The following NPAT variants were observed in gnomAD, a reference collection of about 807,000 sequenced individuals.
The protein encoded by NPAT is protein NPAT.
In NPAT, 52 loss-of-function variants were observed where a neutral mutation model predicts 130.7. The observed-to-expected ratio is 0.40, with a 90% CI of 0.32 to 0.50. The LOEUF (loss-of-function observed/expected upper bound fraction) is 0.50, where lower values mean the gene tolerates loss of function less well. NPAT is among the 20% of genes least tolerant of loss of function. The probability of loss-of-function intolerance (pLI) is 0.68; values close to 1 mark genes in which losing one functional copy is unlikely to be tolerated. For missense variants in NPAT, 1,687 were observed against 1,662.6 expected, an observed-to-expected ratio of 1.01 and a Z score of -0.26; for synonymous variants, 580 against 584.8, an observed-to-expected ratio of 0.99 and a Z score of 0.12.
intron 13 of NPAT, among the ~76,000 whole-genome samples, chr11:108,170,707 T>C (rs1055797397): frequency 2.0e-5 from 3 of 152,216 alleles, no homozygotes; most frequent in African/African-American, 7.2e-5. Context: ...CTACGGTCTC[T>C]CTGTCTATGC....
At chr11:108,209,429 T>C (rs563775787) in intron 1 of NPAT, among the ~76,000 whole-genome samples, 1 of 152,082 alleles carries the variant, frequency 6.6e-6, no homozygotes, top group East Asian at 1.9e-4. Flanking sequence ...AAAACATCTC[T>C]TTAAATTAGG....
At position 108,157,606 on chromosome 11, in the gene NPAT, A is replaced by AT. The variant is rs1565303036; in HGVS notation, c.*1335dup. ...TGTTGTGTTAAAGTTGGATGGATTTATTTTTTTAAAGGCCCAGTACAAAAA... is the reference window on the plus strand; with the variant it reads ...TGTTGTGTTAAAGTTGGATGGATTTATTTTTTTTAAAGGCCCAGTACAAAAA... On this transcript the variant is annotated 3_prime_UTR_variant, in exon 18 of 18. Transcript: ENST00000278612. 6.6e-6 allele frequency: 1 copy of AT among 152,016 alleles called. No individual in the cohort carries two copies. The highest frequency in any genetic ancestry group is 2.1e-4 in the South Asian group (1 of 4,832). The allele number at this position is 152,016 out of a possible 1,614,324, so 9.4% of individuals were successfully genotyped here.
chr11:108,172,043 T>A, intron 13 of NPAT, 156 bp downstream of exon 13: 1 of 666,728 alleles, frequency 1.5e-6, no homozygotes, highest in Non-Finnish European at 2.6e-6. Flanking sequence ...AAGGTTTGAA[T>A]TAGCTAGCAT....
At chr11:108,195,155 C>G (rs979005472) in intron 2 of NPAT, among the ~76,000 whole-genome samples, 1 of 152,100 alleles carries the variant, frequency 6.6e-6, no homozygotes, top group Non-Finnish European at 1.5e-5. Context: ...AAGCAAACAC[C>G]AGTGTCTAGG....
intron 7 of NPAT, among the ~76,000 whole-genome samples, chr11:108,187,874 A>G (rs1303421847): frequency 2.0e-5 from 3 of 152,194 alleles, no homozygotes; most frequent in Non-Finnish European, 4.4e-5. Flanking sequence ...TACAGAATAA[A>G]CATATTTCCC....
At chr11:108,201,068 G>A (rs759010820) in intron 1 of NPAT, among the ~76,000 whole-genome samples, 7 of 152,050 alleles carry the variant, frequency 4.6e-5, no homozygotes, top group Middle Eastern at 3.2e-3. Context: ...TCTCCTTTGC[G>A]TTCCAATTGA....
intron 10 of NPAT, among the ~76,000 whole-genome samples, chr11:108,181,404 G>A (rs1300742626): frequency 6.6e-6 from 1 of 152,116 alleles, no homozygotes; most frequent in African/African-American, 2.4e-5. Flanking sequence ...GGCAGAGATT[G>A]CAGCAAGCTG....
chr11:108,189,052 C>T, intron 6 of NPAT, 54 bp downstream of exon 6: 1 of 1,363,044 alleles, frequency 7.3e-7, no homozygotes, highest in Non-Finnish European at 1.0e-6. Flanking sequence ...TATATTATCT[C>T]ATTCATACAA....
rs998140325 is a variant in NPAT at position 108,172,531 on chromosome 11, T to C, written c.2453A>G (p.Lys818Arg). 9.9e-6 allele frequency: 16 copies of C among 1,614,080 alleles called. No individual in the cohort carries two copies. The highest frequency in any genetic ancestry group is 4.5e-5 in the East Asian group (2 of 44,898). ...ASMEQSLLTF[K>R]SEDSAVNNTQ... ...ATTGTTTACTGCAGAGTCTTCAGATTTGAATGTTAAAAGACTCTGTTCCAT... is the reference window on the plus strand; with the variant it reads ...ATTGTTTACTGCAGAGTCTTCAGATCTGAATGTTAAAAGACTCTGTTCCAT... The change falls in exon 13 of 18, where the codon AAA becomes AGA. Residue 818 changes from lysine to arginine, a missense_variant. Physicochemically the swap from Lys to Arg is conservative, Grantham distance 26. Coordinates refer to ENST00000278612, the MANE Select transcript of NPAT (RefSeq NM_002519.3).
intron 2 of NPAT, among the ~76,000 whole-genome samples, chr11:108,195,818 G>A (rs1488770325): frequency 6.6e-6 from 1 of 152,104 alleles, no homozygotes; most frequent in Admixed American, 6.5e-5. Context: ...CTAGAGATGA[G>A]GTCTCACTAT....
At chr11:108,200,799 T>G (rs2078269212) in intron 1 of NPAT, among the ~76,000 whole-genome samples, 1 of 152,186 alleles carries the variant, frequency 6.6e-6, no homozygotes, top group Non-Finnish European at 1.5e-5. Context: ...CCAATCCATA[T>G]GGTGGTTCCC....
chr11:108,188,084 T>C lies in NPAT; in HGVS notation c.638+14A>G. On this transcript the variant is annotated intron_variant, in intron 7 of 17. Transcript: ENST00000278612. ...ATGGATACGGGTAACTTGTCTCTTTTAAAAAGCATTTACCTTTTGCGTCTA... is the reference window on the plus strand; with the variant it reads ...ATGGATACGGGTAACTTGTCTCTTTCAAAAAGCATTTACCTTTTGCGTCTA... 1 of 1,596,654 alleles carries C rather than the reference T, an allele frequency of 6.3e-7. No homozygotes were observed. Among genetic ancestry groups the C allele is most frequent in the East Asian group, 2.2e-5 (1 of 44,684 alleles).
chr11:108,185,663 A>G (rs1311765574), intron 8 of NPAT, among the ~76,000 whole-genome samples, 169 bp from the exon 9 acceptor site: 3 of 152,224 alleles, frequency 2.0e-5, no homozygotes, highest in Non-Finnish European at 4.4e-5. Flanking sequence ...ACAACACTTC[A>G]TAATTTGCAA....
chr11:108,194,272 C>CA (rs2078199298), intron 2 of NPAT, among the ~76,000 whole-genome samples: 1 of 152,172 alleles, frequency 6.6e-6, no homozygotes, highest in Admixed American at 6.5e-5. Flanking sequence ...ACCCTCTCAG[C>CA]AGACAGCTAT....
rs959414885 is a variant in NPAT at position 108,168,746 on chromosome 11, AAG to A, written c.3010+996_3010+997del. Among the ~76,000 whole-genome samples, 41 of 152,302 alleles carry A rather than the reference AAG, an allele frequency of 2.7e-4. 1 individual carries two copies. Among genetic ancestry groups the A allele is most frequent in the Middle Eastern group, 6.8e-3 (2 of 294 alleles). ...ACCAGATTGAGGGTAAGAGTTGGGT[AAG>A]AAGGGGGAATTCTAGGTAGAAGAGA... On this transcript the variant is annotated intron_variant, in intron 15 of 17. Transcript: ENST00000278612.
rs138853160 is a variant in NPAT at position 108,221,589 on chromosome 11, C to T, written c.37+911G>A. 1.3e-4 allele frequency among the ~76,000 whole-genome samples: 20 copies of T among 152,266 alleles called. No homozygotes were observed. In the East Asian group the frequency reaches 2.9e-3, roughly 22 times the overall value. On this transcript the variant is annotated intron_variant, in intron 1 of 17. Transcript: ENST00000278612. The stretch of plus-strand genomic sequence containing the variant: ...AGAGGCACAAGACAAATGGGTTTTC[C>T]GAACAATAAAATAATAGTAGTAATG...
intron 1 of NPAT, among the ~76,000 whole-genome samples, chr11:108,220,322 G>C (rs2078471238): frequency 6.6e-6 from 1 of 152,132 alleles, no homozygotes; most frequent in South Asian, 2.1e-4. Context: ...ATTGTTCTTT[G>C]AATAAATTTG....
chr11:108,188,999 T>TG lies in NPAT; in HGVS notation c.556+106dup, dbSNP rs202071366. The TG allele has an allele frequency of 1.3e-3, 1,111 of 861,302 alleles. 4 individuals carry two copies. The highest frequency in any genetic ancestry group is 8.2e-3 in the African/African-American group (492 of 59,724). 53.4% of individuals were successfully genotyped at this position (861,302 alleles called of 1,614,324 possible). ...CACTTTTAGTCTCTCTCATCTTTTA[T>TG]GGGGGGGGCCATAATTTTACACTAT... On this transcript the variant is annotated intron_variant, in intron 6 of 17. Transcript: ENST00000278612.
rs183103239 is a variant in NPAT at position 108,213,330 on chromosome 11, G to A, written c.37+9170C>T. 6.6e-5 allele frequency among the ~76,000 whole-genome samples: 10 copies of A among 152,204 alleles called. No homozygotes were observed. In the South Asian group the frequency reaches 2.1e-3, roughly 32 times the overall value. On this transcript the variant is annotated intron_variant, in intron 1 of 17. Transcript: ENST00000278612. ...AGAGCTAATAAATGACTTCGACAAG[G>A]TTGCAGGATACACAGTGAATATATA...
Sources: gnomAD v4.1 joint callset for allele counts (sites outside exome capture counted in the v4.1 genomes callset) on GRCh38, gnomAD v4.1.1 for gene constraint, MANE v1.5 for transcripts, NCBI Gene and HGNC (gene_info 2026-07-23, HGNC 2026-07-21) for gene names.